The following CCDC69 variants were observed in gnomAD, a reference collection of about 807,000 sequenced individuals.
CCDC69 encodes the protein coiled-coil domain containing 69, also known as coiled-coil domain-containing protein 69.
A neutral mutation model predicts 40.3 loss-of-function variants in CCDC69; 38 were observed. The observed-to-expected ratio is 0.94, with a 90% CI of 0.73 to 1.24. CCDC69 has a LOEUF of 1.24. Among genes scored for constraint, CCDC69 ranks in the 50% most tolerant of loss-of-function variants. The pLI is 0.00. For missense variants in CCDC69, 389 were observed against 357.9 expected (o/e 1.09, Z -0.70); for synonymous variants, 141 against 138.9 (o/e 1.02, Z -0.11).
intron 4 of CCDC69, among the ~76,000 whole-genome samples, chr5:151,198,291 G>GATCTATCT (rs56093424): frequency 0.033 from 4,695 of 141,766 alleles, 85 homozygotes; most frequent in East Asian, 0.048. Context: ...GAATGAGATT[G>GATCTATCT]ATCTATCTAT....
Position 151,182,058 on chromosome 5 carries a change from T to C in CCDC69, c.*1379A>G, listed in dbSNP as rs1766639165. 6.6e-6 allele frequency: 1 copy of C among 152,324 alleles called. No individual in the cohort carries two copies. Among genetic ancestry groups the C allele is most frequent in the Non-Finnish European group, 1.5e-5 (1 of 68,096 alleles). 9.4% of individuals were successfully genotyped at this position (152,324 alleles called of 1,614,324 possible). A position where few individuals can be genotyped will look rare whatever the true frequency, so the allele number is the denominator to read the frequency against. On this transcript the variant is annotated 3_prime_UTR_variant, in exon 9 of 9. Transcript: ENST00000355417. ...CTGATGAAAAATGCAGATTGACTGTTCTGACGCTGGCTTAGGGCCTGGGGC... is the reference window on the plus strand; with the variant it reads ...CTGATGAAAAATGCAGATTGACTGTCCTGACGCTGGCTTAGGGCCTGGGGC...
At chr5:151,185,336 C>T in intron 7 of CCDC69, 86 bp downstream of exon 7, 1 of 1,494,920 alleles carries the variant, frequency 6.7e-7, no homozygotes, top group Non-Finnish European at 9.2e-7. Flanking sequence ...CTCCTCAAAC[C>T]ACCTCCCCTC....
At chr5:151,216,485 C>T (rs778313103) in intron 1 of CCDC69, among the ~76,000 whole-genome samples, 28 of 141,426 alleles carry the variant, frequency 2.0e-4, no homozygotes, top group Admixed American at 3.7e-4. Context: ...GGTGCGATCT[C>T]GGCTCGCTGC....
intron 4 of CCDC69, among the ~76,000 whole-genome samples, chr5:151,187,695 C>G (rs935678945): frequency 7.9e-5 from 12 of 152,280 alleles, no homozygotes; most frequent in African/African-American, 2.2e-4. Context: ...CTGGGAGGAA[C>G]GCTACCAGAT....
intron 6 of CCDC69, 103 bp downstream of exon 6, chr5:151,185,920 G>T: frequency 1.3e-6 from 1 of 794,450 alleles, no homozygotes. Flanking sequence ...AAGAGTGCCA[G>T]GTCTGAGTCT....
intron 8 of CCDC69, among the ~76,000 whole-genome samples, chr5:151,183,938 G>C (rs982822287): frequency 6.6e-6 from 1 of 152,200 alleles, no homozygotes; most frequent in Non-Finnish European, 1.5e-5. Flanking sequence ...CCAGCTCTTA[G>C]AGTAATTATG....
chr5:151,189,898 T>C (rs1752582865), intron 4 of CCDC69, among the ~76,000 whole-genome samples: 1 of 152,256 alleles, frequency 6.6e-6, no homozygotes, highest in Non-Finnish European at 1.5e-5. Flanking sequence ...GTGTTTTCTG[T>C]TTGTTCTCGC....
intron 1 of CCDC69, among the ~76,000 whole-genome samples, chr5:151,217,493 G>A (rs1298509919): frequency 6.6e-6 from 1 of 152,194 alleles, no homozygotes; most frequent in Non-Finnish European, 1.5e-5. Flanking sequence ...CCACGCACTT[G>A]GTGGCTGAAA....
intron 1 of CCDC69, among the ~76,000 whole-genome samples, chr5:151,218,988 TA>T (rs1379417675): frequency 5.9e-5 from 9 of 152,214 alleles, no homozygotes; most frequent in Non-Finnish European, 2.9e-5. Flanking sequence ...AAAAATCTGG[TA>T]TTTAATCTCA....
At position 151,184,335 on chromosome 5, in the gene CCDC69, G is replaced by T. The variant is rs773154879; in HGVS notation, c.713+9C>A. The T allele has an allele frequency of 9.3e-6, 15 of 1,609,076 alleles. No individual in the cohort carries two copies. The South Asian group carries it at 1.6e-4, about 18-fold the overall frequency. On this transcript the variant is annotated intron_variant, in intron 8 of 8. Coordinates refer to ENST00000355417, the MANE Select transcript of CCDC69 (RefSeq NM_015621.3). ...GGGATGGGAGTAAAGGAGGCAGGAA[G>T]ACAGCTACCTTGACAGGACCACCTG...
chr5:151,193,701 T>C (rs1295752032), intron 4 of CCDC69, among the ~76,000 whole-genome samples: 1 of 152,058 alleles, frequency 6.6e-6, no homozygotes, highest in African/African-American at 2.4e-5. Context: ...AGCAAAGAGT[T>C]CACAGACATG....
chr5:151,203,847 ATATATAGTATATATATAAAATATATATCG>A (rs1561602390), intron 2 of CCDC69, among the ~76,000 whole-genome samples: 6 of 61,512 alleles, frequency 9.8e-5, no homozygotes, highest in African/African-American at 4.3e-4. Flanking sequence ...AATATATATC[ATATATAGTATATATATAAAATATATATCG>A]TATATATAGT....
intron 3 of CCDC69, among the ~76,000 whole-genome samples, chr5:151,200,250 T>C (rs1752758848): frequency 6.6e-6 from 1 of 152,084 alleles, no homozygotes; most frequent in South Asian, 2.1e-4. Context: ...GTGATTCTCC[T>C]GCCTCAGCTT....
At chr5:151,187,547 T>C (rs1007201689) in intron 4 of CCDC69, 88 bp from the exon 5 acceptor site, 12 of 1,057,842 alleles carry the variant, frequency 1.1e-5, no homozygotes, top group Middle Eastern at 2.0e-4. Context: ...GGTCCAGATA[T>C]TTAACTGGGG....
At chr5:151,218,245 T>C (rs1287199904) in intron 1 of CCDC69, among the ~76,000 whole-genome samples, 1 of 152,252 alleles carries the variant, frequency 6.6e-6, no homozygotes, top group Non-Finnish European at 1.5e-5. Context: ...TAAAGATGGA[T>C]GGATCTTCTC....
chr5:151,196,245 G>A (rs1582042840), intron 4 of CCDC69, among the ~76,000 whole-genome samples: 2 of 152,084 alleles, frequency 1.3e-5, no homozygotes, highest in Non-Finnish European at 2.9e-5. Context: ...TCTGCCTCCC[G>A]GGTTCAAGCA....
chr5:151,220,760 T>A (rs1271978516), intron 1 of CCDC69, among the ~76,000 whole-genome samples: 1 of 151,050 alleles, frequency 6.6e-6, no homozygotes, highest in Non-Finnish European at 1.5e-5. Context: ...ACAAAGGGGG[T>A]TGGCCACGAG....
chr5:151,214,680 C>T (rs1401490090), intron 1 of CCDC69, among the ~76,000 whole-genome samples: 2 of 152,220 alleles, frequency 1.3e-5, no homozygotes, highest in African/African-American at 4.8e-5. Context: ...CACCACTCCG[C>T]TGCACCGGGG....
intron 7 of CCDC69, 43 bp downstream of exon 7, chr5:151,185,379 G>C: frequency 6.2e-7 from 1 of 1,608,936 alleles, no homozygotes; most frequent in East Asian, 2.2e-5. Context: ...CCCAGAAAGC[G>C]GGAGCCTGAG....
Sources: allele counts gnomAD v4.1 joint callset (sites outside exome capture counted in the v4.1 genomes callset), GRCh38; gene constraint gnomAD v4.1.1; transcripts MANE v1.5; gene names NCBI Gene and HGNC (gene_info 2026-07-23, HGNC 2026-07-21).